Variants in IL12RB1 observed in about 807,000 individuals in gnomAD.
IL12RB1 encodes interleukin-12 receptor subunit beta-1.
A neutral mutation model predicts 94.4 loss-of-function variants in IL12RB1; 64 were observed. The observed-to-expected ratio is 0.68, with a 90% CI of 0.55 to 0.83. The LOEUF (loss-of-function observed/expected upper bound fraction) is 0.83. Among genes scored for constraint, IL12RB1 ranks in the 40% least tolerant of loss-of-function variants. The pLI is 0.00. For synonymous variants in IL12RB1, 362 were observed against 355.5 expected, an observed-to-expected ratio of 1.02 and a Z score of -0.21; for missense variants, 814 against 855.6, an observed-to-expected ratio of 0.95 and a Z score of 0.61.
At chr19:18,067,525 C>T (rs898708639) in intron 11 of IL12RB1, among the ~76,000 whole-genome samples, 6 of 151,922 alleles carry the variant, frequency 3.9e-5, no homozygotes, top group African/African-American at 9.7e-5. Context: ...CAATGCTGGC[C>T]GGGCGCAGTG....
At chr19:18,098,081 C>T (rs1291966038) in intron 1 of IL12RB1, among the ~76,000 whole-genome samples, 1 of 152,130 alleles carries the variant, frequency 6.6e-6, no homozygotes, top group Non-Finnish European at 1.5e-5. Flanking sequence ...GAGGAAGAGG[C>T]TGAGGGCTCT....
intron 11 of IL12RB1, 22 bp from the exon 12 acceptor site, chr19:18,066,719 T>G: frequency 6.3e-7 from 1 of 1,597,418 alleles, no homozygotes; most frequent in South Asian, 1.1e-5. Context: ...ACCATTGTCA[T>G]AGTCAACACC....
At chr19:18,086,722 A>T (rs957421258) in intron 1 of IL12RB1, 38 bp downstream of exon 1, 3 of 1,584,408 alleles carry the variant, frequency 1.9e-6, no homozygotes, top group Admixed American at 1.8e-5. Flanking sequence ...GCCTCCACCC[A>T]GCAAGAGGAG....
intron 1 of IL12RB1, among the ~76,000 whole-genome samples, chr19:18,096,528 T>G (rs2036943537): frequency 6.6e-6 from 1 of 152,132 alleles, no homozygotes; most frequent in Non-Finnish European, 1.5e-5. Context: ...GATCATGTCT[T>G]AAGAGTTTTA....
At chr19:18,059,847 C>G (rs12461312) in intron 16 of IL12RB1, 47 bp downstream of exon 16, 78 of 1,050,366 alleles carry the variant, frequency 7.4e-5, no homozygotes, top group Middle Eastern at 6.0e-4. Context: ...CCCCACCCCC[C>G]GGGCAGGGTT....
At position 18,059,448 on chromosome 19, in the gene IL12RB1, C is replaced by G; in HGVS notation, c.*160G>C. On this transcript the variant is annotated 3_prime_UTR_variant, in exon 17 of 17. Transcript: ENST00000593993. ...AGCAGCTTCCATTTCATGGCAGCATCTAGGGTTCCCCCGCAGGATGGGTGG... is the reference window on the plus strand; with the variant it reads ...AGCAGCTTCCATTTCATGGCAGCATGTAGGGTTCCCCCGCAGGATGGGTGG... 1.6e-6 allele frequency: 1 copy of G among 644,732 alleles called. No individual in the cohort carries two copies. The highest frequency in any genetic ancestry group is 2.8e-6 in the Non-Finnish European group (1 of 353,290). The allele number at this position is 644,732 out of a possible 1,614,324, so 39.9% of individuals were successfully genotyped here.
upstream of IL12RB1, among the ~76,000 whole-genome samples, chr19:18,088,396 T>C (rs2036476364): frequency 7.0e-6 from 1 of 143,260 alleles, no homozygotes; most frequent in Non-Finnish European, 1.5e-5. Flanking sequence ...AAAATATATA[T>C]ATATATATAA....
intron 3 of IL12RB1, among the ~76,000 whole-genome samples, chr19:18,081,591 G>C (rs942043617): frequency 1.3e-5 from 2 of 151,600 alleles, no homozygotes; most frequent in Admixed American, 1.3e-4. Flanking sequence ...AGGCCAAGGG[G>C]GGGTGGATCA....
intron 13 of IL12RB1, 52 bp downstream of exon 13, chr19:18,063,824 C>T (rs138796805): frequency 1.5e-4 from 228 of 1,543,836 alleles, no homozygotes; most frequent in African/African-American, 5.7e-4. Context: ...TTGTGGGAAG[C>T]GCAGTGCAGT....
intron 9 of IL12RB1, among the ~76,000 whole-genome samples, chr19:18,071,759 G>A (rs1381150937): frequency 6.6e-6 from 1 of 152,018 alleles, no homozygotes. Context: ...GCAACCTCTG[G>A]CTCCTGGGTT....
intron 2 of IL12RB1, 77 bp from the exon 3 acceptor site, chr19:18,082,341 G>A: frequency 1.2e-6 from 1 of 827,400 alleles, no homozygotes; most frequent in South Asian, 1.4e-5. Flanking sequence ...TCTTTGTGAT[G>A]CTTACATCTT....
chr19:18,082,724 T>C (rs1414421978), intron 2 of IL12RB1, among the ~76,000 whole-genome samples: 3 of 152,186 alleles, frequency 2.0e-5, no homozygotes, highest in East Asian at 3.9e-4. Flanking sequence ...AACAAAAGAA[T>C]GGACAGCGTG....
At chr19:18,064,135 TTTC>T (rs1568488097) in intron 12 of IL12RB1, 125 bp from the exon 13 acceptor site, 822 of 458,338 alleles carry the variant, frequency 1.8e-3, no homozygotes, top group East Asian at 3.4e-3. Flanking sequence ...CTACTCTTTC[TTTC>T]TTTTTTTTTT....
rs938796180 is a variant in IL12RB1 at position 18,073,549 on chromosome 19, C to T, written c.751G>A (p.Asp251Asn). 5.6e-6 allele frequency: 9 copies of T among 1,603,550 alleles called. No homozygotes were observed. The highest frequency in any genetic ancestry group is 7.7e-6 in the Non-Finnish European group (9 of 1,175,516). Residue 251 changes from aspartate to asparagine, a missense_variant, in exon 8 of 17, where the codon GAT becomes AAT. Transcript: ENST00000593993. Reference protein sequence around the residue: ...VRFSVEQLGQDGRRRLTLKEQ... With the variant: ...VRFSVEQLGQNGRRRLTLKEQ... ...TTCAGGGTCAGCCGCCTCCTCCCATCCTGGCCCAGCTGCTCCACCGAGAAT... is the reference window on the plus strand; with the variant it reads ...TTCAGGGTCAGCCGCCTCCTCCCATTCTGGCCCAGCTGCTCCACCGAGAAT...
At chr19:18,087,122 G>A, upstream of IL12RB1, 1 of 493,854 alleles carries the variant, frequency 2.0e-6, no homozygotes, top group Non-Finnish European at 3.6e-6. Context: ...CCCCAGACCT[G>A]AACTGAACAC....
At chr19:18,091,750 TGC>T (rs2036638514), upstream of IL12RB1, among the ~76,000 whole-genome samples, 1 of 152,058 alleles carries the variant, frequency 6.6e-6, no homozygotes, top group Non-Finnish European at 1.5e-5. Flanking sequence ...CAGGCTGGAG[TGC>T]AGTGACACAA....
In IL12RB1 at chr19:18,082,271, G is replaced by T; in HGVS notation, c.125-7C>A. 6.4e-7 allele frequency: 1 copy of T among 1,571,328 alleles called. No individual in the cohort carries two copies. Among genetic ancestry groups the T allele is most frequent in the Non-Finnish European group, 8.7e-7 (1 of 1,143,888 alleles). ...CTAGGGCCCGAGGCCGAGCCTGGAA[G>T]AGATCCTGTAGGCTTGGGAACAGAC... On this transcript the variant is annotated splice_region_variant and splice_polypyrimidine_tract_variant and intron_variant, in intron 2 of 16. Coordinates refer to ENST00000593993, the MANE Select transcript of IL12RB1 (RefSeq NM_005535.3).
chr19:18,098,606 C>T (rs1428977951), intron 1 of IL12RB1: 6 of 417,452 alleles, frequency 1.4e-5, no homozygotes, highest in African/African-American at 6.2e-5. Flanking sequence ...CCCCGGGCAG[C>T]CACCCTTTGA....
upstream of IL12RB1, among the ~76,000 whole-genome samples, chr19:18,089,581 C>T (rs1363719784): frequency 6.6e-6 from 1 of 150,612 alleles, no homozygotes; most frequent in Non-Finnish European, 1.5e-5. Context: ...GCCGAGATCA[C>T]ACCACTGCAC....
Sources: gnomAD v4.1 joint callset for allele counts (sites outside exome capture counted in the v4.1 genomes callset) on GRCh38, gnomAD v4.1.1 for gene constraint, MANE v1.5 for transcripts, NCBI Gene and HGNC (gene_info 2026-07-23, HGNC 2026-07-21) for gene names.